Variants in LEF1 observed in about 807,000 individuals in gnomAD.
The protein encoded by LEF1 is lymphoid enhancer binding factor 1.
In LEF1, 14 loss-of-function variants were observed where a neutral mutation model predicts 51.2. That is an observed-to-expected ratio of 0.27 (90% CI 0.18 to 0.43). The LOEUF (loss-of-function observed/expected upper bound fraction) is 0.43, where lower values mean the gene tolerates loss of function less well. Ranked by LOEUF, LEF1 falls within the 20% of genes least tolerant of loss-of-function variation. The pLI, the probability that LEF1 is intolerant of heterozygous loss-of-function variation, is 1.00. For missense variants in LEF1, 386 were observed against 512.0 expected (o/e 0.75, Z 2.37); for synonymous variants, 185 against 183.2 (o/e 1.01, Z -0.08).
Position 108,166,382 on chromosome 4 carries a change from G to A in LEF1, c.213+1173C>T, listed in dbSNP as rs1254154897. ...CACACTTTCTTTTTGGGGGTAGAAA[G>A]ATGCCATTTAAGGAAAAAAAGGTAT... On this transcript the variant is annotated intron_variant, in intron 1 of 11. Coordinates refer to ENST00000265165, the MANE Select transcript of LEF1 (RefSeq NM_016269.5). The A allele has an allele frequency of 2.7e-6, 4 of 1,469,124 alleles. No individual in the cohort carries two copies. The South Asian group carries it at 4.1e-5, about 15-fold the overall frequency. The allele number at this position is 1,469,124 out of a possible 1,614,324, so 91.0% of individuals were successfully genotyped here. A position where few individuals can be genotyped will look rare whatever the true frequency, so the allele number is the denominator to read the frequency against.
chr4:108,063,158 C>T (rs1737810934), intron 11 of LEF1, among the ~76,000 whole-genome samples: 2 of 152,024 alleles, frequency 1.3e-5, no homozygotes, highest in African/African-American at 2.4e-5. Flanking sequence ...GAAACAAATA[C>T]ATTACTTTTG....
At chr4:108,127,957 C>T (rs1405752686) in intron 3 of LEF1, among the ~76,000 whole-genome samples, 3 of 152,164 alleles carry the variant, frequency 2.0e-5, no homozygotes, top group African/African-American at 7.2e-5. Flanking sequence ...TTCAGCCCTA[C>T]AGGCTCTACT....
intron 5 of LEF1, among the ~76,000 whole-genome samples, chr4:108,082,294 G>A (rs999871056): frequency 6.6e-6 from 1 of 152,042 alleles, no homozygotes; most frequent in African/African-American, 2.4e-5. Context: ...CCAGTGGTAC[G>A]ATTCAGCACA....
intron 3 of LEF1, among the ~76,000 whole-genome samples, chr4:108,115,846 TACACACAC>T (rs55839332): frequency 2.8e-4 from 39 of 139,272 alleles, no homozygotes; most frequent in Admixed American, 5.1e-4. Flanking sequence ...ATGTAACACA[TACACACAC>T]ACACACACAC....
chr4:108,105,112 A>C (rs887792131), intron 3 of LEF1, among the ~76,000 whole-genome samples: 2 of 151,650 alleles, frequency 1.3e-5, no homozygotes. Context: ...GCTTAATACT[A>C]TGGGTTTACG....
At chr4:108,070,488 A>G in intron 9 of LEF1, 175 bp downstream of exon 9, 2 of 416,388 alleles carry the variant, frequency 4.8e-6, no homozygotes, top group Non-Finnish European at 8.6e-6. Context: ...AAAAAAAAAG[A>G]TAGCTCGAAG....
chr4:108,150,805 A>G (rs1349889178), intron 3 of LEF1, among the ~76,000 whole-genome samples: 1 of 152,234 alleles, frequency 6.6e-6, no homozygotes, highest in Non-Finnish European at 1.5e-5. Context: ...CATACTGTTT[A>G]GTAAAGATTT....
intron 3 of LEF1, among the ~76,000 whole-genome samples, chr4:108,157,179 T>TATATAC (rs780217431): frequency 0.026 from 3,056 of 116,724 alleles, 62 homozygotes; most frequent in Non-Finnish European, 0.036. Flanking sequence ...TATATATATA[T>TATATAC]ACACACACAC....
In LEF1 at chr4:108,123,277, T is replaced by C. The variant is rs530493188; in HGVS notation, c.415-34020A>G. Among the ~76,000 whole-genome samples, 6 of 152,264 alleles carry C rather than the reference T, an allele frequency of 3.9e-5. No homozygotes were observed. The South Asian group carries it at 1.2e-3, about 32-fold the overall frequency. On this transcript the variant is annotated intron_variant, in intron 3 of 11. Transcript: ENST00000265165. Reference sequence around the variant, plus strand: ...AACCTGCATGAAAGCCAGCTGCAGTTATAATTCTCAGGACAGCATTTTTCT... The same window carrying C: ...AACCTGCATGAAAGCCAGCTGCAGTCATAATTCTCAGGACAGCATTTTTCT...
intron 3 of LEF1, among the ~76,000 whole-genome samples, chr4:108,092,559 C>G (rs1342707613): frequency 3.3e-5 from 5 of 152,120 alleles, no homozygotes; most frequent in Non-Finnish European, 7.4e-5. Flanking sequence ...AAGTGAGAAC[C>G]CTGGCACTGC....
chr4:108,100,137 C>G (rs1740718758), intron 3 of LEF1, among the ~76,000 whole-genome samples: 1 of 152,004 alleles, frequency 6.6e-6, no homozygotes, highest in African/African-American at 2.4e-5. Flanking sequence ...TTGTTATAGA[C>G]TTAAAAACAA....
At chr4:108,129,024 G>A (rs1578376811) in intron 3 of LEF1, among the ~76,000 whole-genome samples, 1 of 152,160 alleles carries the variant, frequency 6.6e-6, no homozygotes, top group Non-Finnish European at 1.5e-5. Flanking sequence ...CCCGGAGAGG[G>A]TCCACTGGGC....
At chr4:108,166,525 G>C (rs1745404422) in intron 1 of LEF1, 2 of 1,315,546 alleles carry the variant, frequency 1.5e-6, no homozygotes, top group Admixed American at 7.3e-5. Context: ...GACCAGTGGA[G>C]TGTCGGGTAT....
intron 11 of LEF1, among the ~76,000 whole-genome samples, chr4:108,053,740 G>A (rs1013100913): frequency 6.6e-6 from 1 of 152,206 alleles, no homozygotes; most frequent in South Asian, 2.1e-4. Flanking sequence ...TGCAGGTCAT[G>A]ACCGCTAGAT....
intron 3 of LEF1, among the ~76,000 whole-genome samples, chr4:108,127,780 T>C (rs925831034): frequency 8.5e-5 from 13 of 152,272 alleles, no homozygotes; most frequent in African/African-American, 2.9e-4. Context: ...GTATGTAGCT[T>C]GTACAAGACA....
rs1161374667 is a variant in LEF1 at position 108,074,444 on chromosome 4, ATAT to A, written c.1009-3677_1009-3675del. On this transcript the variant is annotated intron_variant, in intron 8 of 11. Coordinates refer to ENST00000265165, the MANE Select transcript of LEF1 (RefSeq NM_016269.5). ...GGCTTATTTTAAAATAAAATTTGTG[ATAT>A]TATTATTTATAATATGGATTAAAAA... Among the ~76,000 whole-genome samples the A allele has an allele frequency of 2.6e-5, 4 of 152,314 alleles. No individual in the cohort carries two copies. In the East Asian group the frequency reaches 7.7e-4, roughly 29 times the overall value.
At chr4:108,135,195 G>A (rs906701044) in intron 3 of LEF1, among the ~76,000 whole-genome samples, 3 of 152,144 alleles carry the variant, frequency 2.0e-5, no homozygotes, top group East Asian at 1.9e-4. Flanking sequence ...AACCTGCAGC[G>A]CATTAATGGA....
intron 3 of LEF1, among the ~76,000 whole-genome samples, chr4:108,139,344 T>C (rs562559410): frequency 1.3e-5 from 2 of 152,258 alleles, no homozygotes; most frequent in Non-Finnish European, 2.9e-5. Context: ...AAAGTTATGA[T>C]GGTTTTAGTC....
chr4:108,165,778 T>C (rs1745347981), intron 1 of LEF1, among the ~76,000 whole-genome samples: 1 of 152,102 alleles, frequency 6.6e-6, no homozygotes, highest in Non-Finnish European at 1.5e-5. Context: ...GAGAGTCAGG[T>C]TATAGACATC....
Sources: gnomAD v4.1 joint callset for allele counts (sites outside exome capture counted in the v4.1 genomes callset) on GRCh38, gnomAD v4.1.1 for gene constraint, MANE v1.5 for transcripts, NCBI Gene and HGNC (gene_info 2026-07-23, HGNC 2026-07-21) for gene names.